The following EYS variants were observed in gnomAD, a reference collection of about 807,000 sequenced individuals.
The protein encoded by EYS is EGF-like photoreceptor maintenance factor, also known as protein eyes shut homolog.
A neutral mutation model predicts 282.1 loss-of-function variants in EYS; 250 were observed. The observed-to-expected ratio is 0.89, with a 90% CI of 0.80 to 0.98. The LOEUF (loss-of-function observed/expected upper bound fraction) is 0.98. EYS is among the 50% of genes least tolerant of loss of function. The pLI is 0.00. For missense variants in EYS, 4,016 were observed against 3,709.0 expected (o/e 1.08, Z -2.15); for synonymous variants, 1,355 against 1,282.9 (o/e 1.06, Z -1.20).
intron 28 of EYS, among the ~76,000 whole-genome samples, chr6:64,428,695 C>G (rs1231802443): frequency 6.6e-6 from 1 of 152,234 alleles, no homozygotes; most frequent in Admixed American, 6.5e-5. Flanking sequence ...TTACTAAAAG[C>G]ATGCATTTGG....
rs943842015 is a variant in EYS, at chr6:64,651,576, G to A, written c.3444-25331C>T. ...CTTACGCCTGTAATCCCATCACATC[G>A]GGAGGCTGAGACGGGAGAATCGCTT... On this transcript the variant is annotated intron_variant, in intron 22 of 42. Transcript: ENST00000503581. Among the ~76,000 whole-genome samples the A allele has an allele frequency of 1.3e-4, 20 of 152,286 alleles. No individual in the cohort carries two copies. In the East Asian group the frequency reaches 1.4e-3, roughly 10 times the overall value.
chr6:63,954,262 C>T (rs1331331335), intron 35 of EYS, among the ~76,000 whole-genome samples: 2 of 152,188 alleles, frequency 1.3e-5, no homozygotes, highest in Admixed American at 6.5e-5. Flanking sequence ...CAGGCCTAAT[C>T]ACCACTCACC....
intron 26 of EYS, among the ~76,000 whole-genome samples, chr6:64,463,971 C>T (rs1054154978): frequency 3.9e-5 from 6 of 152,126 alleles, no homozygotes; most frequent in African/African-American, 1.4e-4. Flanking sequence ...TATATCAAAG[C>T]CAGATAAGGT....
At position 65,059,756 on chromosome 6, in the gene EYS, A is replaced by G. The variant is rs115917919; in HGVS notation, c.2024-2029T>C. 6.1e-3 allele frequency among the ~76,000 whole-genome samples: 936 copies of G among 152,256 alleles called. 12 individuals carry two copies. The highest frequency in any genetic ancestry group is 0.021 in the African/African-American group (879 of 41,572). ...AAGCACCTCAGGAAGAAACCTGTTT[A>G]AGTTTAGTCACACTGAGGGAAACCT... On this transcript the variant is annotated intron_variant, in intron 12 of 42. Transcript: ENST00000503581.
chr6:65,394,941 C>A (rs188139388), intron 7 of EYS, among the ~76,000 whole-genome samples: 1 of 152,326 alleles, frequency 6.6e-6, no homozygotes, highest in Non-Finnish European at 1.5e-5. Flanking sequence ...TCAAACCATG[C>A]TACCCATATC....
intron 4 of EYS, 22 bp from the exon 5 acceptor site, chr6:65,490,729 T>A (rs775992034): frequency 7.4e-7 from 1 of 1,358,840 alleles, no homozygotes; most frequent in African/African-American, 1.4e-5. Flanking sequence ...AAAAAAAGTT[T>A]TTTTTACATT....
intron 22 of EYS, among the ~76,000 whole-genome samples, chr6:64,656,434 A>C (rs1305544829): frequency 6.6e-6 from 1 of 152,148 alleles, no homozygotes; most frequent in East Asian, 1.9e-4. Context: ...GAACTTTTCC[A>C]AGACAGGAAT....
chr6:64,736,361 C>A (rs1772181747), intron 22 of EYS, among the ~76,000 whole-genome samples: 1 of 152,056 alleles, frequency 6.6e-6, no homozygotes, highest in South Asian at 2.1e-4. Flanking sequence ...AAACTACTGA[C>A]TTCCTAGAAT....
chr6:63,796,388 T>C (rs1770644699), intron 37 of EYS, among the ~76,000 whole-genome samples: 1 of 152,166 alleles, frequency 6.6e-6, no homozygotes, highest in Non-Finnish European at 1.5e-5. Context: ...GTGAGATCCA[T>C]GTGTATTTCA....
At chr6:65,202,299 A>T (rs748864414) in intron 12 of EYS, among the ~76,000 whole-genome samples, 1 of 152,136 alleles carries the variant, frequency 6.6e-6, no homozygotes, top group African/African-American at 2.4e-5. Flanking sequence ...ATTTATTCTG[A>T]TGGCTGATAT....
chr6:64,642,059 G>A (rs1474712271), intron 22 of EYS, among the ~76,000 whole-genome samples: 1 of 152,112 alleles, frequency 6.6e-6, no homozygotes, highest in African/African-American at 2.4e-5. Context: ...TAGTTAGACT[G>A]GAAATAACAT....
rs1767606308 is a variant in EYS, at chr6:64,626,241, G to GACA, written c.3445_3447dup (p.Cys1149dup). ...CAAAATTGACCAGAAAATCCAGGAAGACATCTAAGGAAAAAAAATGAAAAC... is the reference window on the plus strand; with the variant it reads ...CAAAATTGACCAGAAAATCCAGGAAGACAACATCTAAGGAAAAAAAATGAAAAC... On this transcript the variant is annotated inframe_insertion, in exon 23 of 43. Coordinates refer to ENST00000503581, the MANE Select transcript of EYS (RefSeq NM_001142800.2). 1 of 1,520,238 alleles carries GACA rather than the reference G, an allele frequency of 6.6e-7. No individual in the cohort carries two copies. Among genetic ancestry groups the GACA allele is most frequent in the African/African-American group, 1.4e-5 (1 of 70,944 alleles). The allele number at this position is 1,520,238 out of a possible 1,614,324, so 94.2% of individuals were successfully genotyped here. A position where few individuals can be genotyped will look rare whatever the true frequency, so the allele number is the denominator to read the frequency against.
chr6:63,858,756 GCAAT>G (rs895084440), intron 36 of EYS, among the ~76,000 whole-genome samples: 5 of 152,152 alleles, frequency 3.3e-5, no homozygotes, highest in Admixed American at 1.3e-4. Flanking sequence ...GAACGGTGGG[GCAAT>G]CAAACAGCTG....
intron 22 of EYS, among the ~76,000 whole-genome samples, chr6:64,709,475 A>C (rs545497081): frequency 2.4e-4 from 37 of 152,142 alleles, no homozygotes; most frequent in Non-Finnish European, 5.1e-4. Flanking sequence ...ACATTTGCTC[A>C]TATTTTAAAT....
At chr6:63,739,996 C>T (rs562742916) in intron 41 of EYS, among the ~76,000 whole-genome samples, 1 of 152,094 alleles carries the variant, frequency 6.6e-6, no homozygotes, top group South Asian at 2.1e-4. Flanking sequence ...CCATGCCCGG[C>T]AGAAAGTATT....
intron 13 of EYS, among the ~76,000 whole-genome samples, chr6:65,036,529 T>TA (rs1277691141): frequency 6.6e-6 from 1 of 151,108 alleles, no homozygotes; most frequent in Non-Finnish European, 1.5e-5. Flanking sequence ...ACAGATACCC[T>TA]AAAAAACGGG....
chr6:65,358,792 A>G (rs181639173), intron 8 of EYS, among the ~76,000 whole-genome samples: 2 of 152,160 alleles, frequency 1.3e-5, no homozygotes, highest in Non-Finnish European at 2.9e-5. Context: ...TCTATAAGAA[A>G]ATAAAAATTA....
chr6:64,138,126 A>C (rs1396599077), intron 31 of EYS, among the ~76,000 whole-genome samples: 1 of 152,206 alleles, frequency 6.6e-6, no homozygotes, highest in Non-Finnish European at 1.5e-5. Context: ...CCTAAACTCA[A>C]GCACAATTTC....
intron 12 of EYS, among the ~76,000 whole-genome samples, chr6:65,270,370 A>C (rs930875543): frequency 6.6e-6 from 1 of 152,148 alleles, no homozygotes; most frequent in African/African-American, 2.4e-5. Context: ...ATCAGGAGTT[A>C]CATCTTTATT....
Sources: gnomAD v4.1 joint callset for allele counts (sites outside exome capture counted in the v4.1 genomes callset) on GRCh38, gnomAD v4.1.1 for gene constraint, MANE v1.5 for transcripts, NCBI Gene and HGNC (gene_info 2026-07-23, HGNC 2026-07-21) for gene names.